TCERG1L: variants seen among roughly 807,000 people sequenced by gnomAD.
The protein encoded by TCERG1L is transcription elongation regulator 1-like protein.
Under a neutral mutation model 56.3 loss-of-function variants are expected in TCERG1L, and 37 were observed. The ratio of observed to expected loss-of-function variants is 0.66; its 90% CI spans 0.51 to 0.87. The LOEUF is 0.87. TCERG1L is among the 40% of genes least tolerant of loss of function. TCERG1L has a pLI of 0.00. For missense variants in TCERG1L, 799 were observed against 774.2 expected, an observed-to-expected ratio of 1.03 and a Z score of -0.38; for synonymous variants, 324 against 326.3, an observed-to-expected ratio of 0.99 and a Z score of 0.08.
chr10:131,237,621 A>G (rs1589757661), intron 4 of TCERG1L, among the ~76,000 whole-genome samples: 1 of 152,346 alleles, frequency 6.6e-6, no homozygotes, highest in East Asian at 1.9e-4. Context: ...GTATATTAAA[A>G]GAGTGCTAAT....
intron 4 of TCERG1L, among the ~76,000 whole-genome samples, chr10:131,216,088 A>C (rs1007406421): frequency 2.0e-5 from 3 of 152,210 alleles, no homozygotes; most frequent in African/African-American, 7.2e-5. Flanking sequence ...CATCAGAAGC[A>C]GACTGGAAGA....
At chr10:131,240,791 C>T (rs1399884618) in intron 4 of TCERG1L, among the ~76,000 whole-genome samples, 1 of 152,164 alleles carries the variant, frequency 6.6e-6, no homozygotes, top group African/African-American at 2.4e-5. Context: ...CGCGGAGGGA[C>T]GCCTCTCACA....
chr10:131,292,900 C>T (rs1387989300), intron 3 of TCERG1L, among the ~76,000 whole-genome samples: 2 of 150,480 alleles, frequency 1.3e-5, no homozygotes, highest in Non-Finnish European at 2.9e-5. Context: ...GTCCAGACTG[C>T]ATTGCAGAGG....
chr10:131,222,085 C>T (rs1845739370), intron 4 of TCERG1L, among the ~76,000 whole-genome samples: 2 of 152,232 alleles, frequency 1.3e-5, no homozygotes, highest in Non-Finnish European at 2.9e-5. Flanking sequence ...AAGAGAACAG[C>T]CTCCCTCAGT....
At chr10:131,177,001 C>CAG (rs1739061837) in intron 4 of TCERG1L, among the ~76,000 whole-genome samples, 1 of 56,472 alleles carries the variant, frequency 1.8e-5, no homozygotes. Flanking sequence ...GGTGTACACA[C>CAG]AGACACATGC....
intron 7 of TCERG1L, 65 bp downstream of exon 7, chr10:131,146,441 C>T (rs557097318): frequency 2.1e-5 from 30 of 1,409,930 alleles, no homozygotes; most frequent in Middle Eastern, 2.3e-4. Flanking sequence ...TTTCACTTTA[C>T]GTTCATTAGA....
intron 11 of TCERG1L, among the ~76,000 whole-genome samples, chr10:131,094,156 T>C (rs1248695107): frequency 6.6e-6 from 1 of 152,170 alleles, no homozygotes; most frequent in Non-Finnish European, 1.5e-5. Context: ...CCCCGCAACT[T>C]CCTGTTCTCT....
intron 6 of TCERG1L, among the ~76,000 whole-genome samples, chr10:131,151,857 A>G (rs766359938): frequency 2.0e-5 from 3 of 152,226 alleles, no homozygotes; most frequent in Non-Finnish European, 4.4e-5. Flanking sequence ...CCAAACCTCA[A>G]TTCTTGACTT....
chr10:131,205,256 C>T (rs961991542), intron 4 of TCERG1L, among the ~76,000 whole-genome samples: 12 of 152,152 alleles, frequency 7.9e-5, no homozygotes, highest in East Asian at 1.9e-4. Context: ...GTGACGTGCA[C>T]GCCTCATTGT....
At chr10:131,265,340 T>G (rs1056235225) in intron 3 of TCERG1L, among the ~76,000 whole-genome samples, 4 of 152,236 alleles carry the variant, frequency 2.6e-5, no homozygotes, top group Non-Finnish European at 5.9e-5. Flanking sequence ...TGAGATCATA[T>G]GAAATTTTAA....
chr10:131,174,254 G>A (rs892237712), intron 4 of TCERG1L, among the ~76,000 whole-genome samples: 1 of 152,206 alleles, frequency 6.6e-6, no homozygotes, highest in Non-Finnish European at 1.5e-5. Flanking sequence ...GAGGGTGGTG[G>A]CACCTCTGAC....
chr10:131,211,798 C>T (rs571472100), intron 4 of TCERG1L, among the ~76,000 whole-genome samples: 2 of 152,188 alleles, frequency 1.3e-5, no homozygotes, highest in Non-Finnish European at 2.9e-5. Context: ...CACTTGCCAG[C>T]GTCACCTCTA....
intron 4 of TCERG1L, among the ~76,000 whole-genome samples, chr10:131,236,154 C>T (rs184332693): frequency 4.6e-5 from 7 of 152,324 alleles, no homozygotes; most frequent in Non-Finnish European, 8.8e-5. Context: ...TGCCTATATG[C>T]AAACACTTAG....
chr10:131,211,282 C>A (rs1845616492), intron 4 of TCERG1L, among the ~76,000 whole-genome samples: 1 of 152,352 alleles, frequency 6.6e-6, no homozygotes, highest in South Asian at 2.1e-4. Context: ...AGGCCCCCAG[C>A]AGATGAGGCT....
intron 4 of TCERG1L, among the ~76,000 whole-genome samples, chr10:131,186,667 G>A (rs1845248437): frequency 1.3e-5 from 2 of 152,198 alleles, no homozygotes; most frequent in Non-Finnish European, 2.9e-5. Context: ...GGCCAAATGT[G>A]TCCCCGAGGA....
chr10:131,125,208 C>CATGATGATGATGGTGATG (rs71009952), intron 8 of TCERG1L, among the ~76,000 whole-genome samples: 2 of 151,398 alleles, frequency 1.3e-5, no homozygotes, highest in Non-Finnish European at 3.0e-5. Context: ...TGGTGATGAA[C>CATGATGATGATGGTGATG]ATGATGATGA....
At chr10:131,290,557 C>T (rs1286346036) in intron 3 of TCERG1L, among the ~76,000 whole-genome samples, 14 of 147,500 alleles carry the variant, frequency 9.5e-5, no homozygotes, top group African/African-American at 3.5e-4. Flanking sequence ...CTTGAACCCA[C>T]GAGGCGGAGG....
intron 3 of TCERG1L, among the ~76,000 whole-genome samples, chr10:131,275,070 T>C (rs1846378491): frequency 6.6e-6 from 1 of 152,162 alleles, no homozygotes; most frequent in Admixed American, 6.5e-5. Context: ...TGCCCTGCTC[T>C]CAGCATTGAA....
intron 4 of TCERG1L, among the ~76,000 whole-genome samples, chr10:131,247,119 C>T (rs930422710): frequency 1.1e-4 from 17 of 152,102 alleles, no homozygotes; most frequent in African/African-American, 4.1e-4. Context: ...AGTGCCATCC[C>T]AAAACAGGAA....
Sources: allele counts gnomAD v4.1 joint callset (sites outside exome capture counted in the v4.1 genomes callset), GRCh38; gene constraint gnomAD v4.1.1; transcripts MANE v1.5; gene names NCBI Gene and HGNC (gene_info 2026-07-23, HGNC 2026-07-21).